The following BRINP3 variants were observed in gnomAD, a reference collection of about 807,000 sequenced individuals.
The protein encoded by BRINP3 is BMP/retinoic acid inducible neural specific 3.
In BRINP3, 19 loss-of-function variants were observed where a neutral mutation model predicts 71.0. The ratio of observed to expected loss-of-function variants is 0.27; its 90% CI spans 0.19 to 0.39. BRINP3 has a LOEUF of 0.39. BRINP3 is among the 10% of genes least tolerant of loss of function. The probability of loss-of-function intolerance (pLI) is 1.00; values close to 1 mark genes in which losing one functional copy is unlikely to be tolerated. For missense variants in BRINP3, 959 were observed against 940.8 expected (o/e 1.02, Z -0.25); for synonymous variants, 380 against 337.7 (o/e 1.13, Z -1.37).
chr1:190,456,166 C>G (rs1021425003), intron 1 of BRINP3, among the ~76,000 whole-genome samples: 1 of 152,156 alleles, frequency 6.6e-6, no homozygotes, highest in African/African-American at 2.4e-5. Context: ...AATGTACTTT[C>G]CTAGCTATAA....
At chr1:190,112,904 C>G (rs1348725584) in intron 7 of BRINP3, among the ~76,000 whole-genome samples, 1 of 152,098 alleles carries the variant, frequency 6.6e-6, no homozygotes, top group Non-Finnish European at 1.5e-5. Context: ...ATTCAAAGCA[C>G]AGGGCTCCAT....
chr1:190,288,478 G>C (rs887868486), intron 2 of BRINP3, among the ~76,000 whole-genome samples: 1 of 151,838 alleles, frequency 6.6e-6, no homozygotes, highest in Non-Finnish European at 1.5e-5. Context: ...TGAAACAACT[G>C]AAGTTTCAAA....
chr1:190,168,293 A>T (rs529962020), intron 6 of BRINP3, among the ~76,000 whole-genome samples: 1 of 152,278 alleles, frequency 6.6e-6, no homozygotes, highest in African/African-American at 2.4e-5. Context: ...AAGTTGTCTT[A>T]TCAAATTCTC....
intron 2 of BRINP3, among the ~76,000 whole-genome samples, chr1:190,321,728 A>C (rs1666260294): frequency 6.6e-6 from 1 of 152,020 alleles, no homozygotes. Flanking sequence ...AATCGCCTCA[A>C]TGTATTTGTT....
At chr1:190,460,130 C>T (rs1171888758) in intron 1 of BRINP3, among the ~76,000 whole-genome samples, 2 of 151,652 alleles carry the variant, frequency 1.3e-5, no homozygotes, top group Non-Finnish European at 2.9e-5. Context: ...AAATGTAAAA[C>T]TATGAATCTT....
chr1:190,323,913 A>G (rs1666413258), intron 2 of BRINP3, among the ~76,000 whole-genome samples: 1 of 152,028 alleles, frequency 6.6e-6, no homozygotes, highest in Admixed American at 6.6e-5. Context: ...CTAAAACTAA[A>G]TAAATTGTTG....
chr1:190,333,108 A>C (rs1667071332), intron 2 of BRINP3, among the ~76,000 whole-genome samples: 1 of 151,934 alleles, frequency 6.6e-6, no homozygotes, highest in Non-Finnish European at 1.5e-5. Flanking sequence ...AATATACCTG[A>C]CCCAACACTA....
intron 6 of BRINP3, among the ~76,000 whole-genome samples, chr1:190,215,939 T>C (rs956578624): frequency 1.3e-5 from 2 of 151,832 alleles, no homozygotes; most frequent in Non-Finnish European, 1.5e-5. Flanking sequence ...ACCAATCTCT[T>C]TATTTTTCCT....
intron 6 of BRINP3, among the ~76,000 whole-genome samples, chr1:190,190,958 A>G (rs1653980833): frequency 1.3e-5 from 2 of 152,144 alleles, no homozygotes; most frequent in African/African-American, 4.8e-5. Flanking sequence ...AATAGCAGAT[A>G]TTATAGGCAT....
chr1:190,400,220 T>C (rs1671834008), intron 2 of BRINP3, among the ~76,000 whole-genome samples: 1 of 152,116 alleles, frequency 6.6e-6, no homozygotes, highest in African/African-American at 2.4e-5. Flanking sequence ...CTGTCATACA[T>C]TGGATATTCC....
intron 6 of BRINP3, chr1:190,217,144 A>T (rs1379643934): frequency 6.6e-6 from 1 of 151,966 alleles, no homozygotes; most frequent in Non-Finnish European, 1.5e-5. Context: ...AGAAACATGT[A>T]AAGAGTGCAC....
At chr1:190,263,212 C>A (rs1418530053) in intron 4 of BRINP3, among the ~76,000 whole-genome samples, 1 of 152,104 alleles carries the variant, frequency 6.6e-6, no homozygotes, top group South Asian at 2.1e-4. Flanking sequence ...CCTCAGCAAC[C>A]ACAAGCTAAG....
chr1:190,382,722 T>A (rs1271145996), intron 2 of BRINP3, among the ~76,000 whole-genome samples: 2 of 152,278 alleles, frequency 1.3e-5, no homozygotes, highest in Middle Eastern at 3.4e-3. Flanking sequence ...TTTAAAAAAA[T>A]TATCATTGTA....
At chr1:190,384,325 A>G (rs1240039894) in intron 2 of BRINP3, among the ~76,000 whole-genome samples, 1 of 151,798 alleles carries the variant, frequency 6.6e-6, no homozygotes, top group East Asian at 1.9e-4. Flanking sequence ...AAAGAAATCT[A>G]AGACATACAT....
intron 2 of BRINP3, among the ~76,000 whole-genome samples, chr1:190,428,837 A>G (rs1312782728): frequency 6.6e-6 from 1 of 152,118 alleles, no homozygotes; most frequent in Non-Finnish European, 1.5e-5. Context: ...ATGCATATTA[A>G]ACTTATTGCA....
chr1:190,224,297 G>A (rs1202040451), intron 6 of BRINP3, among the ~76,000 whole-genome samples: 1 of 151,654 alleles, frequency 6.6e-6, no homozygotes, highest in African/African-American at 2.4e-5. Flanking sequence ...CAGACACATA[G>A]ACCAATGGAA....
At chr1:190,123,646 T>C (rs1187818686) in intron 7 of BRINP3, among the ~76,000 whole-genome samples, 9 of 152,166 alleles carry the variant, frequency 5.9e-5, no homozygotes, top group Non-Finnish European at 1.3e-4. Context: ...ATAATACTGC[T>C]AAAGCTATTA....
intron 2 of BRINP3, among the ~76,000 whole-genome samples, chr1:190,289,577 A>G (rs1295981316): frequency 6.6e-6 from 1 of 151,954 alleles, no homozygotes; most frequent in Non-Finnish European, 1.5e-5. Flanking sequence ...TTAGAATACA[A>G]TTTTACACAC....
Position 190,166,096 on chromosome 1 carries a change from C to T in BRINP3, c.962-5206G>A, listed in dbSNP as rs567621822. Among the ~76,000 whole-genome samples, 3 of 152,250 alleles carry T rather than the reference C, an allele frequency of 2.0e-5. No homozygotes were observed. The East Asian group carries it at 5.8e-4, about 29-fold the overall frequency. On this transcript the variant is annotated intron_variant, in intron 6 of 7. Transcript: ENST00000367462. ...GATATGACTTTGAGTAGCCACACAT[C>T]AATGTAAGTCTATTCAAACCATTCT...
Sources: gnomAD v4.1 joint callset for allele counts (sites outside exome capture counted in the v4.1 genomes callset) on GRCh38, gnomAD v4.1.1 for gene constraint, MANE v1.5 for transcripts, NCBI Gene and HGNC (gene_info 2026-07-23, HGNC 2026-07-21) for gene names.